Variants in DENND1B observed in about 807,000 individuals in gnomAD.
DENND1B encodes DENN domain containing 1B.
A neutral mutation model predicts 90.1 loss-of-function variants in DENND1B; 59 were observed. That is an observed-to-expected ratio of 0.65 (90% confidence interval 0.53 to 0.81). The LOEUF is 0.81. DENND1B is among the 40% of genes least tolerant of loss of function. The pLI, the probability that DENND1B is intolerant of heterozygous loss-of-function variation, is 0.00. For synonymous variants in DENND1B, 337 were observed against 324.6 expected (o/e 1.04, Z -0.41); for missense variants, 862 against 912.6 (o/e 0.94, Z 0.71).
chr1:197,759,493 G>A (rs1299806606), intron 2 of DENND1B, among the ~76,000 whole-genome samples: 2 of 151,120 alleles, frequency 1.3e-5, no homozygotes, highest in African/African-American at 4.9e-5. Context: ...CAAAATGAAA[G>A]TATCTGCACC....
intron 20 of DENND1B, 144 bp downstream of exon 20, chr1:197,539,820 G>T: frequency 1.6e-6 from 1 of 641,390 alleles, no homozygotes; most frequent in Non-Finnish European, 2.7e-6. Context: ...GCCTTCCCAG[G>T]TTCCACTAAC....
rs1025785098 is a variant in DENND1B, at chr1:197,733,998, C to T, written c.83-18924G>A. 2.0e-5 allele frequency: 15 copies of T among 734,542 alleles called. No individual in the cohort carries two copies. The South Asian group carries it at 4.3e-4, about 21-fold the overall frequency. The allele number at this position is 734,542 out of a possible 1,614,324, so 45.5% of individuals were successfully genotyped here. A position where few individuals can be genotyped will look rare whatever the true frequency, so the allele number is the denominator to read the frequency against. On this transcript the variant is annotated intron_variant, in intron 2 of 22. Coordinates refer to ENST00000620048, the MANE Select transcript of DENND1B (RefSeq NM_001195215.2). ...TAAAAATCTGTGCAACTAAAAGATA[C>T]ATTCAAAAAATTACAAGAAATTATA...
Position 197,676,082 on chromosome 1 carries a change from CAAAA to C in DENND1B, c.127-1917_127-1914del, listed in dbSNP as rs3046951. On this transcript the variant is annotated intron_variant, in intron 3 of 22. Transcript: ENST00000620048. ...TAGACTAGTGTATAAACAGTATAGA[CAAAA>C]AAAAAAAAAAATCCTCTCTCAGCTT... Among the ~76,000 whole-genome samples, 238 of 114,910 alleles carry C rather than the reference CAAAA, an allele frequency of 2.1e-3. 9 individuals are homozygous for C. In the East Asian group the frequency reaches 0.021, roughly 10 times the overall value. The allele number at this position is 114,910 out of a possible 152,430, so 75.4% of individuals were successfully genotyped here. A position where few individuals can be genotyped will look rare whatever the true frequency, so the allele number is the denominator to read the frequency against.
At chr1:197,592,203 C>A (rs1299041701) in intron 14 of DENND1B, among the ~76,000 whole-genome samples, 2 of 142,798 alleles carry the variant, frequency 1.4e-5, no homozygotes, top group Non-Finnish European at 1.5e-5. Flanking sequence ...GTGAAAAAAA[C>A]AGATTCAAAC....
intron 15 of DENND1B, among the ~76,000 whole-genome samples, chr1:197,573,027 T>C (rs1458336165): frequency 1.3e-5 from 2 of 152,198 alleles, no homozygotes; most frequent in Non-Finnish European, 2.9e-5. Context: ...GATTCTTCTC[T>C]CTTTTTTTCT....
At position 197,508,522 on chromosome 1, in the gene DENND1B, A is replaced by G. The variant is rs542133228; in HGVS notation, c.*1938T>C. On this transcript the variant is annotated 3_prime_UTR_variant, in exon 23 of 23. Transcript: ENST00000620048. ...TTGTCTTCTTATATAATCATAATGA[A>G]TAAGTGTCCCAAATAACACATATCC... 1 of 151,912 alleles carries G rather than the reference A, an allele frequency of 6.6e-6. No homozygotes were observed. The highest frequency in any genetic ancestry group is 1.9e-4 in the East Asian group (1 of 5,144). The allele number at this position is 151,912 out of a possible 1,614,324, so 9.4% of individuals were successfully genotyped here. A position where few individuals can be genotyped will look rare whatever the true frequency, so the allele number is the denominator to read the frequency against.
At chr1:197,715,772 A>G (rs889456889) in intron 2 of DENND1B, among the ~76,000 whole-genome samples, 1 of 151,852 alleles carries the variant, frequency 6.6e-6, no homozygotes, top group Non-Finnish European at 1.5e-5. Flanking sequence ...TGTTTCTCAC[A>G]GTATTTCTCT....
At chr1:197,616,383 T>C (rs1677648832) in intron 11 of DENND1B, among the ~76,000 whole-genome samples, 1 of 151,082 alleles carries the variant, frequency 6.6e-6, no homozygotes, top group African/African-American at 2.4e-5. Flanking sequence ...AGGGCCTATT[T>C]ATTTTATTCT....
At chr1:197,574,850 C>T (rs1035456849) in intron 15 of DENND1B, among the ~76,000 whole-genome samples, 2 of 152,040 alleles carry the variant, frequency 1.3e-5, no homozygotes, top group Non-Finnish European at 2.9e-5. Context: ...GAAAGGATTC[C>T]CGATTTAATA....
chr1:197,662,430 C>T (rs1654499267), intron 5 of DENND1B, among the ~76,000 whole-genome samples: 1 of 152,006 alleles, frequency 6.6e-6, no homozygotes, highest in African/African-American at 2.4e-5. Flanking sequence ...GATAAAGCAA[C>T]TTATCTAGGG....
chr1:197,671,963 C>G (rs1420408849), intron 5 of DENND1B, 74 bp downstream of exon 5: 28 of 1,391,982 alleles, frequency 2.0e-5, no homozygotes, highest in Non-Finnish European at 2.6e-5. Context: ...TTTTCTTCAT[C>G]CCAAGCATAA....
chr1:197,676,864 T>C (rs750373447), intron 3 of DENND1B, among the ~76,000 whole-genome samples: 1 of 152,134 alleles, frequency 6.6e-6, no homozygotes, highest in South Asian at 2.1e-4. Flanking sequence ...AGCATTACAA[T>C]GAAATTGATC....
chr1:197,606,836 C>T, intron 13 of DENND1B: 1 of 399,128 alleles, frequency 2.5e-6, no homozygotes, highest in East Asian at 4.6e-5. Flanking sequence ...CTAATGAATG[C>T]ATCTAGCTTT....
At chr1:197,567,339 G>A (rs1289420266) in intron 15 of DENND1B, among the ~76,000 whole-genome samples, 1 of 151,884 alleles carries the variant, frequency 6.6e-6, no homozygotes, top group Non-Finnish European at 1.5e-5. Flanking sequence ...AATGAACAAG[G>A]AGACTGAATC....
intron 16 of DENND1B, chr1:197,552,175 T>C: frequency 2.1e-6 from 2 of 963,516 alleles, no homozygotes; most frequent in Non-Finnish European, 2.5e-6. Context: ...TAGACTGAAG[T>C]TTTTTTTCCT....
chr1:197,520,894 A>G (rs1235037200), intron 20 of DENND1B, among the ~76,000 whole-genome samples: 2 of 151,920 alleles, frequency 1.3e-5, no homozygotes, highest in Non-Finnish European at 2.9e-5. Flanking sequence ...ATATGTAAAA[A>G]TTCATGAAGT....
intron 13 of DENND1B, among the ~76,000 whole-genome samples, chr1:197,596,900 A>G (rs778961614): frequency 2.6e-5 from 4 of 151,964 alleles, no homozygotes; most frequent in Non-Finnish European, 5.9e-5. Context: ...GTAAAGTCAC[A>G]GTTACTGTGA....
At chr1:197,765,007 T>C (rs1655527259) in intron 2 of DENND1B, among the ~76,000 whole-genome samples, 1 of 152,156 alleles carries the variant, frequency 6.6e-6, no homozygotes, top group Non-Finnish European at 1.5e-5. Context: ...ATCAAAGCAA[T>C]TCCCTCCATA....
At chr1:197,628,333 G>A (rs1473329787) in intron 10 of DENND1B, among the ~76,000 whole-genome samples, 1 of 152,066 alleles carries the variant, frequency 6.6e-6, no homozygotes, top group African/African-American at 2.4e-5. Flanking sequence ...CAGATATATA[G>A]ATCAACGGAA....
Sources: gnomAD v4.1 joint callset for allele counts (sites outside exome capture counted in the v4.1 genomes callset) on GRCh38, gnomAD v4.1.1 for gene constraint, MANE v1.5 for transcripts, NCBI Gene and HGNC (gene_info 2026-07-23, HGNC 2026-07-21) for gene names.